DNAH17: variants seen among roughly 807,000 people sequenced by gnomAD.
DNAH17 encodes dynein axonemal heavy chain 17.
DNAH17 carries 376 observed loss-of-function variants against 485.6 expected under a neutral mutation model. The ratio of observed to expected loss-of-function variants is 0.77; its 90% CI spans 0.71 to 0.84. The LOEUF (loss-of-function observed/expected upper bound fraction) is 0.84, where lower values mean the gene tolerates loss of function less well. DNAH17 is among the 40% of genes least tolerant of loss of function. The pLI, the probability that DNAH17 is intolerant of heterozygous loss-of-function variation, is 0.00. For synonymous variants in DNAH17, 3,031 were observed against 2,405.9 expected, an observed-to-expected ratio of 1.26 and a Z score of -7.60; for missense variants, 6,370 against 5,839.3, an observed-to-expected ratio of 1.09 and a Z score of -2.96.
At chr17:78,424,343 C>T (rs534103651) in intron 80 of DNAH17, 190 bp from the exon 81 acceptor site, 80 of 642,882 alleles carry the variant, frequency 1.2e-4, no homozygotes, top group South Asian at 3.8e-4. Flanking sequence ...GTAACTACCC[C>T]GTCCCGCTGG....
intron 57 of DNAH17, among the ~76,000 whole-genome samples, chr17:78,462,427 C>G (rs145000323): frequency 2.6e-5 from 4 of 152,208 alleles, no homozygotes; most frequent in African/African-American, 4.8e-5. Flanking sequence ...TGGAGGAGGT[C>G]TGAAGCAGGC....
At chr17:78,472,272 AGGGGTGCGAGGGTTAGGGTTAGGGAGTG>A (rs768103378) in intron 54 of DNAH17, among the ~76,000 whole-genome samples, 2,240 of 105,408 alleles carry the variant, frequency 0.021, 55 homozygotes, top group African/African-American at 0.087. Context: ...GTTAGGGAGT[AGGGGTGCGAGGGTTAGGGTTAGGGAGTG>A]GGGGTGCGAG....
chr17:78,570,869 A>AAAAG (rs1157852661), intron 6 of DNAH17, 79 bp downstream of exon 6: 33 of 766,842 alleles, frequency 4.3e-5, no homozygotes, highest in Non-Finnish European at 6.3e-5. Flanking sequence ...AAAAAAAAAA[A>AAAAG]AAAAAAAAAG....
At chr17:78,481,166 G>C (rs2089332861) in intron 48 of DNAH17, among the ~76,000 whole-genome samples, 3 of 146,388 alleles carry the variant, frequency 2.0e-5, no homozygotes, top group African/African-American at 7.7e-5. Flanking sequence ...GCAGTGGCAT[G>C]ATCTTGGCTC....
At chr17:78,560,355 G>A (rs72920953) in intron 13 of DNAH17, among the ~76,000 whole-genome samples, 6 of 152,090 alleles carry the variant, frequency 3.9e-5, no homozygotes, top group African/African-American at 1.2e-4. Flanking sequence ...TCCATCCTCT[G>A]CTCATCTGAA....
intron 16 of DNAH17, among the ~76,000 whole-genome samples, chr17:78,548,495 C>T (rs576191152): frequency 1.3e-5 from 2 of 152,200 alleles, no homozygotes; most frequent in African/African-American, 4.8e-5. Flanking sequence ...TGAGCCACTG[C>T]ACCCGGCCAC....
At position 78,459,902 on chromosome 17, in the gene DNAH17, G is replaced by T. The variant is rs773073825; in HGVS notation, c.9535C>A (p.Pro3179Thr). Residue 3179 changes from proline to threonine, a missense_variant, in exon 60 of 81, where the codon CCC becomes ACC. By Grantham distance (38) the Pro-to-Thr change is conservative. Transcript: ENST00000389840. ...GCCGCCTTCCAGCTCTTGTCCTTGG[G>T]GATCTTGCCCCCAGGTGCGGTCAGA... ...MILTAPGGKI[P>T]KDKSWKAAKI... The T allele has an allele frequency of 2.5e-6, 4 of 1,613,876 alleles. No individual in the cohort carries two copies. The highest frequency in any genetic ancestry group is 3.4e-6 in the Non-Finnish European group (4 of 1,179,900).
rs755475646 is a variant in DNAH17 at position 78,558,154 on chromosome 17, C to T, written c.2132G>A (p.Arg711Gln). 2.4e-5 allele frequency: 38 copies of T among 1,613,760 alleles called. No individual in the cohort carries two copies. The highest frequency in any genetic ancestry group is 1.8e-4 in the South Asian group (16 of 91,000). Residue 711 changes from arginine (R) to glutamine (Q), a missense_variant, in exon 14 of 81, where the codon CGG becomes CAG. Arg to Gln is a conservative substitution (Grantham distance 43). Coordinates refer to ENST00000389840, the MANE Select transcript of DNAH17 (RefSeq NM_173628.4). ...ESLFSENETF[R>Q]KFVGNLELIV... ...GAGCTCCAGGTTGCCCACAAACTTC[C>T]GGAAAGTTTCGTTCTCTGAGAACAG...
chr17:78,544,038 A>C (rs776718888), intron 16 of DNAH17, 41 bp from the exon 17 acceptor site: 3 of 1,612,680 alleles, frequency 1.9e-6, no homozygotes, highest in Non-Finnish European at 2.5e-6. Context: ...TGTTCTGGAG[A>C]AACTGCTTTC....
chr17:78,461,900 C>T (rs1390662351), intron 57 of DNAH17, among the ~76,000 whole-genome samples, 192 bp from the exon 58 acceptor site: 4 of 152,100 alleles, frequency 2.6e-5, no homozygotes, highest in Non-Finnish European at 5.9e-5. Context: ...ACTGCGTACA[C>T]AGGGTCACAA....
chr17:78,542,282 G>A (rs987699253), intron 17 of DNAH17, among the ~76,000 whole-genome samples: 1 of 151,876 alleles, frequency 6.6e-6, no homozygotes, highest in Non-Finnish European at 1.5e-5. Flanking sequence ...CAAGTAGCTA[G>A]GATTACAGGT....
chr17:78,518,726 C>T (rs1730944466), intron 25 of DNAH17, among the ~76,000 whole-genome samples: 1 of 152,120 alleles, frequency 6.6e-6, no homozygotes, highest in Non-Finnish European at 1.5e-5. Flanking sequence ...TGGGACATTC[C>T]CCCAGACAGA....
At chr17:78,466,175 G>T (rs1283796478) in intron 56 of DNAH17, among the ~76,000 whole-genome samples, 1 of 152,224 alleles carries the variant, frequency 6.6e-6, no homozygotes, top group South Asian at 2.1e-4. Context: ...TCCACTCAGG[G>T]TTGAATGGAT....
In DNAH17 at chr17:78,532,841, G is replaced by A. The variant is rs1209227727; in HGVS notation, c.2860-105C>T. ...GAAGTGGTTCTCTGTTGGCGAAAGG[G>A]CTTCCAATCTCTCATGATGACCTGC... On this transcript the variant is annotated intron_variant, in intron 19 of 80. Coordinates refer to ENST00000389840, the MANE Select transcript of DNAH17 (RefSeq NM_173628.4). The A allele has an allele frequency of 4.6e-6, 6 of 1,293,780 alleles. No individual in the cohort carries two copies. In the Admixed American group the frequency reaches 1.6e-4, roughly 35 times the overall value. The allele number at this position is 1,293,780 out of a possible 1,614,324, so 80.1% of individuals were successfully genotyped here.
chr17:78,447,556 A>G (rs1025435780), intron 69 of DNAH17, among the ~76,000 whole-genome samples: 2 of 152,196 alleles, frequency 1.3e-5, no homozygotes, highest in Non-Finnish European at 2.9e-5. Flanking sequence ...GATCCCATAG[A>G]GAGTTTCTTC....
chr17:78,573,896 G>A (rs913608326), intron 2 of DNAH17, among the ~76,000 whole-genome samples: 1 of 152,080 alleles, frequency 6.6e-6, no homozygotes, highest in Non-Finnish European at 1.5e-5. Flanking sequence ...GAAGGATAAG[G>A]CACCCCCATT....
chr17:78,533,043 C>G (rs2091283079), intron 19 of DNAH17: 1 of 262,658 alleles, frequency 3.8e-6, no homozygotes, highest in Non-Finnish European at 7.3e-6. Context: ...AGGCACGTGC[C>G]ACTGTGCCTG....
At chr17:78,530,707 C>T (rs1248751613) in intron 20 of DNAH17, among the ~76,000 whole-genome samples, 195 bp from the exon 21 acceptor site, 1 of 152,160 alleles carries the variant, frequency 6.6e-6, no homozygotes, top group Non-Finnish European at 1.5e-5. Context: ...CTTCCAGCCC[C>T]AGAGTCTAGC....
At chr17:78,530,610 C>CAGGAAG in intron 20 of DNAH17, 98 bp from the exon 21 acceptor site, 1 of 1,402,736 alleles carries the variant, frequency 7.1e-7, no homozygotes, top group Non-Finnish European at 9.6e-7. Flanking sequence ...ACTGCACCTG[C>CAGGAAG]GCTGCTCACC....
Sources: gnomAD v4.1 joint callset for allele counts (sites outside exome capture counted in the v4.1 genomes callset) on GRCh38, gnomAD v4.1.1 for gene constraint, MANE v1.5 for transcripts, NCBI Gene and HGNC (gene_info 2026-07-23, HGNC 2026-07-21) for gene names.